GNAI2: variants seen among roughly 807,000 people sequenced by gnomAD.
The protein encoded by GNAI2 is guanine nucleotide-binding protein G(i) subunit alpha-2.
Under a neutral mutation model 36.8 loss-of-function variants are expected in GNAI2, and 4 were observed. The observed-to-expected ratio is 0.11, with a 90% CI of 0.05 to 0.25. The LOEUF is 0.25. Ranked by LOEUF, GNAI2 falls within the 10% of genes least tolerant of loss-of-function variation. The pLI is 1.00. For synonymous variants in GNAI2, 194 were observed against 194.1 expected, an observed-to-expected ratio of 1.00 and a Z score of 0.01; for missense variants, 230 against 481.3, an observed-to-expected ratio of 0.48 and a Z score of 4.89.
chr3:50,230,860 C>T, exon 1 of GNAI2: 1 of 985,500 alleles, frequency 1.0e-6, no homozygotes, highest in Non-Finnish European at 1.2e-6. Context: ...GCCCTCTGCC[C>T]CCAAAATGAA....
chr3:50,256,044 CAAAAA>C (rs1170893603), intron 4 of GNAI2, 143 bp from the exon 5 acceptor site: 1,695 of 141,298 alleles, frequency 0.012, no homozygotes, highest in South Asian at 0.015. Flanking sequence ...CACTCTGTCT[CAAAAA>C]AAAAAAAAAA....
Position 50,255,322 on chromosome 3 carries a change from G to C in GNAI2, c.465-870G>C, listed in dbSNP as rs1553703011. Reference sequence around the variant, plus strand: ...GGGGTAGCCTTGATACTAATTAAGGGAACTGGTAATGAGGAGCCCCTGGGA... The same window carrying C: ...GGGGTAGCCTTGATACTAATTAAGGCAACTGGTAATGAGGAGCCCCTGGGA... On this transcript the variant is annotated intron_variant, in intron 4 of 8. Transcript: ENST00000313601. This position sits in a 1 kb window ranked among gnomAD's most constrained non-coding sequence, Gnocchi z 4.0. Among the ~76,000 whole-genome samples, 1 of 152,278 alleles carries C rather than the reference G, an allele frequency of 6.6e-6. No homozygotes were observed. Among genetic ancestry groups the C allele is most frequent in the Non-Finnish European group, 1.5e-5 (1 of 67,992 alleles).
rs1246486683 is a variant in GNAI2 at position 50,236,271 on chromosome 3, G to T, written c.-65G>T. ...TGGTGGTGGGAGCGGAGTGGGTCGG[G>T]CGGGGCCGAGCCGGGCCGTGGGCCG... is the stretch of plus-strand genomic sequence containing the variant. On this transcript the variant is annotated 5_prime_UTR_variant, in exon 1 of 9. Coordinates refer to ENST00000313601, the MANE Select transcript of GNAI2 (RefSeq NM_002070.4). This position sits in a 1 kb window ranked among gnomAD's most constrained non-coding sequence, Gnocchi z 4.0. 10 of 1,229,540 alleles carry T rather than the reference G, an allele frequency of 8.1e-6. No homozygotes were observed. Among genetic ancestry groups the T allele is most frequent in the Non-Finnish European group, 8.1e-6 (8 of 985,506 alleles). 76.2% of individuals were successfully genotyped at this position (1,229,540 alleles called of 1,614,324 possible).
rs1247427805 is a variant in GNAI2, at chr3:50,238,561, G to A, written c.118+2108G>A. ...CTTACTCTGTGAAATGGGCTTCCTG[G>A]GTTTTGGCCAAAGGAGTGCCCCAGG... On this transcript the variant is annotated intron_variant, in intron 1 of 8. Coordinates refer to ENST00000313601, the MANE Select transcript of GNAI2 (RefSeq NM_002070.4). The surrounding 1 kb of genome is among the most constrained non-coding windows in gnomAD (Gnocchi z 5.0). 6.6e-6 allele frequency: 1 copy of A among 152,316 alleles called. No homozygotes were observed. Among genetic ancestry groups the A allele is most frequent in the Non-Finnish European group, 1.5e-5 (1 of 68,094 alleles). The allele number at this position is 152,316 out of a possible 1,614,324, so 9.4% of individuals were successfully genotyped here. A position where few individuals can be genotyped will look rare whatever the true frequency, so the allele number is the denominator to read the frequency against.
At chr3:50,257,743 T>G (rs1575458338) in intron 8 of GNAI2, 29 bp downstream of exon 8, 1 of 925,780 alleles carries the variant, frequency 1.1e-6, no homozygotes, top group Non-Finnish European at 1.3e-6. Context: ...GGCAGGGTGC[T>G]GGGGAAGAAC....
In GNAI2 at chr3:50,241,461, C is replaced by G. The variant is rs1203136166; in HGVS notation, c.118+5008C>G. Among the ~76,000 whole-genome samples the G allele has an allele frequency of 6.6e-6, 1 of 152,202 alleles. No homozygotes were observed. Among genetic ancestry groups the G allele is most frequent in the Non-Finnish European group, 1.5e-5 (1 of 68,020 alleles). On this transcript the variant is annotated intron_variant, in intron 1 of 8. Coordinates refer to ENST00000313601, the MANE Select transcript of GNAI2 (RefSeq NM_002070.4). The surrounding 1 kb of genome is among the most constrained non-coding windows in gnomAD (Gnocchi z 5.0). ...CCTGCCCAGTTCTGCTAGGCTCAGC[C>G]CCTGCCTCTCACGCCAGTGTCAGTG... is the stretch of plus-strand genomic sequence containing the variant.
At chr3:50,231,598 T>C (rs374171663), upstream of GNAI2, among the ~76,000 whole-genome samples, 1 of 152,088 alleles carries the variant, frequency 6.6e-6, no homozygotes, top group Non-Finnish European at 1.5e-5. Flanking sequence ...TTGATACATA[T>C]TTACCTGCCA....
intron 1 of GNAI2, among the ~76,000 whole-genome samples, chr3:50,246,279 G>C (rs1483455020): frequency 1.3e-5 from 2 of 150,544 alleles, no homozygotes. Context: ...AGTCGCCCCT[G>C]GCTGAGGCTG....
At chr3:50,233,193 A>G (rs1700099947), upstream of GNAI2, among the ~76,000 whole-genome samples, 1 of 152,054 alleles carries the variant, frequency 6.6e-6, no homozygotes, top group African/African-American at 2.4e-5. Flanking sequence ...CTCCCTGGGA[A>G]GAGCATAGGA....
rs941911352 is a variant in GNAI2, at chr3:50,236,643, C to A, written c.118+190C>A. On this transcript the variant is annotated intron_variant, in intron 1 of 8. Coordinates refer to ENST00000313601, the MANE Select transcript of GNAI2 (RefSeq NM_002070.4). The surrounding 1 kb of genome is among the most constrained non-coding windows in gnomAD (Gnocchi z 4.0). ...GATCCTGCCCAGACTCTAGACCAGACCCCTGTCTCATCCCAGACCCCAGAC... is the reference window on the plus strand; with the variant it reads ...GATCCTGCCCAGACTCTAGACCAGAACCCTGTCTCATCCCAGACCCCAGAC... 3.3e-5 allele frequency among the ~76,000 whole-genome samples: 5 copies of A among 152,188 alleles called. No individual in the cohort carries two copies. Among genetic ancestry groups the A allele is most frequent in the African/African-American group, 9.6e-5 (4 of 41,508 alleles).
At chr3:50,248,376 A>T (rs2109202302) in intron 1 of GNAI2, among the ~76,000 whole-genome samples, 1 of 152,234 alleles carries the variant, frequency 6.6e-6, no homozygotes, top group South Asian at 2.1e-4. Context: ...TCAGGTCCTG[A>T]TGGAAAGAGG....
Position 50,258,720 on chromosome 3 carries a change from C to G in GNAI2, c.*377C>G, listed in dbSNP as rs1700774935. 5.6e-6 allele frequency: 2 copies of G among 358,874 alleles called. No individual in the cohort carries two copies. The highest frequency in any genetic ancestry group is 1.5e-4 in the East Asian group (2 of 13,470). 22.2% of individuals were successfully genotyped at this position (358,874 alleles called of 1,614,324 possible). A position where few individuals can be genotyped will look rare whatever the true frequency, so the allele number is the denominator to read the frequency against. On this transcript the variant is annotated 3_prime_UTR_variant, in exon 9 of 9. Transcript: ENST00000313601. Reference sequence around the variant, plus strand: ...CCTGGACCCCCAGCTTTGCCCAACACCAGCCCCTGCCCCAGCCCAAGTCCA... The same window carrying G: ...CCTGGACCCCCAGCTTTGCCCAACAGCAGCCCCTGCCCCAGCCCAAGTCCA...
chr3:50,235,148 C>T (rs1173292872), upstream of GNAI2: 1 of 152,262 alleles, frequency 6.6e-6, no homozygotes, highest in Non-Finnish European at 1.5e-5. Flanking sequence ...TCTCCACCCT[C>T]TCATCCTCTC....
Position 50,257,724 on chromosome 3 carries a change from AG to A in GNAI2, c.*24+14del. On this transcript the variant is annotated intron_variant, in intron 8 of 8. Coordinates refer to ENST00000313601, the MANE Select transcript of GNAI2 (RefSeq NM_002070.4). The stretch of plus-strand genomic sequence containing the variant: ...GGGGCCTGGCGGGATGGTGAGCCAG[AG>A]GGGCTGTGGCAGGGTGCTGGGGAAG... The A allele has an allele frequency of 9.2e-7, 1 of 1,092,166 alleles. No homozygotes were observed. The highest frequency in any genetic ancestry group is 2.6e-4 in the Middle Eastern group (1 of 3,844). The allele number at this position is 1,092,166 out of a possible 1,614,324, so 67.7% of individuals were successfully genotyped here. A position where few individuals can be genotyped will look rare whatever the true frequency, so the allele number is the denominator to read the frequency against.
chr3:50,258,833 A>C lies in GNAI2; in HGVS notation c.*490A>C. 1 of 425,146 alleles carries C rather than the reference A, an allele frequency of 2.4e-6. No individual in the cohort carries two copies. Among genetic ancestry groups the C allele is most frequent in the Non-Finnish European group, 4.6e-6 (1 of 218,982 alleles). 26.3% of individuals were successfully genotyped at this position (425,146 alleles called of 1,614,324 possible). ...AAAAGCACAAGAAGCGTGAGACGCC[A>C]CCATTCCTGGAAACCACAGTCCACC... On this transcript the variant is annotated 3_prime_UTR_variant, in exon 9 of 9. Coordinates refer to ENST00000313601, the MANE Select transcript of GNAI2 (RefSeq NM_002070.4).
chr3:50,253,195 T>C lies in GNAI2; in HGVS notation c.464+11T>C. 1 of 1,602,058 alleles carries C rather than the reference T, an allele frequency of 6.2e-7. No homozygotes were observed. Among genetic ancestry groups the C allele is most frequent in the Non-Finnish European group, 8.5e-7 (1 of 1,170,430 alleles). ...CGACTCAGCTGCCTAGTGAGTGCTCTGAGGGGCTGGGCAGGGCAGGGCAGG... is the reference window on the plus strand; with the variant it reads ...CGACTCAGCTGCCTAGTGAGTGCTCCGAGGGGCTGGGCAGGGCAGGGCAGG... On this transcript the variant is annotated intron_variant, in intron 4 of 8. Coordinates refer to ENST00000313601, the MANE Select transcript of GNAI2 (RefSeq NM_002070.4). This position sits in a 1 kb window ranked among gnomAD's most constrained non-coding sequence, Gnocchi z 4.2.
At chr3:50,246,569 C>T (rs1430679858) in intron 1 of GNAI2, among the ~76,000 whole-genome samples, 5 of 152,222 alleles carry the variant, frequency 3.3e-5, no homozygotes, top group African/African-American at 1.2e-4. Context: ...GGAGTTGTGG[C>T]AGTGTGGGCG....
intron 1 of GNAI2, among the ~76,000 whole-genome samples, chr3:50,247,972 C>G (rs587766011): frequency 6.6e-6 from 1 of 152,258 alleles, no homozygotes; most frequent in African/African-American, 2.4e-5. Context: ...CGGTGGCTCA[C>G]GCCTGTAATC....
At chr3:50,235,372 A>G (rs984450348), upstream of GNAI2, 16 of 151,744 alleles carry the variant, frequency 1.1e-4, no homozygotes, top group African/African-American at 3.2e-4. Flanking sequence ...CTGGAGTGCA[A>G]TGAATGGCGC....
Sources: gnomAD v4.1 joint callset for allele counts (sites outside exome capture counted in the v4.1 genomes callset) on GRCh38, gnomAD v4.1.1 for gene constraint, Gnocchi (gnomAD v3.1) non-coding constraint, MANE v1.5 for transcripts, NCBI Gene and HGNC (gene_info 2026-07-23, HGNC 2026-07-21) for gene names.